The following SEC24D variants were observed in gnomAD, a reference collection of about 807,000 sequenced individuals.
The protein encoded by SEC24D is protein transport protein Sec24D.
A neutral mutation model predicts 116.9 loss-of-function variants in SEC24D; 69 were observed. The ratio of observed to expected loss-of-function variants is 0.59; its 90% CI spans 0.49 to 0.72. SEC24D has a LOEUF of 0.72. Among genes scored for constraint, SEC24D ranks in the 30% least tolerant of loss-of-function variants. The pLI is 0.00. For synonymous variants in SEC24D, 405 were observed against 442.8 expected, an observed-to-expected ratio of 0.91 and a Z score of 1.07; for missense variants, 1,131 against 1,264.1, an observed-to-expected ratio of 0.89 and a Z score of 1.60.
intron 14 of SEC24D, 119 bp from the exon 15 acceptor site, chr4:118,744,277 C>T (rs182872633): frequency 7.0e-5 from 74 of 1,050,238 alleles, no homozygotes; most frequent in Non-Finnish European, 8.0e-5. Context: ...GACATTTTCC[C>T]GTTAAGTGAA....
Position 118,752,770 on chromosome 4 carries a change from C to T in SEC24D, c.1540G>A (p.Val514Ile), listed in dbSNP as rs747331413. The T allele has an allele frequency of 6.2e-7, 1 of 1,612,328 alleles. No individual in the cohort carries two copies. Among genetic ancestry groups the T allele is most frequent in the Non-Finnish European group, 8.5e-7 (1 of 1,179,308 alleles). Residue 514 changes from valine to isoleucine, a missense_variant, in exon 12 of 23, where the codon GTT (valine) becomes ATT (isoleucine). Transcript: ENST00000280551. ...AACAAAGGAACAAAGACTTCTCCAA[C>T]ATCAGTCACCACCATCATCTGAGGC... ...AQPQMMVVTD[V>I]GEVFVPLLDG...
Position 118,723,343 on chromosome 4 carries a change from T to C in SEC24D, c.*172A>G, listed in dbSNP as rs79586191. Reference sequence around the variant, plus strand: ...CCTTTATGGTACAATTGTACCTTAATTGGCTTTATACCTGAGCACCAAAGC... The same window carrying C: ...CCTTTATGGTACAATTGTACCTTAACTGGCTTTATACCTGAGCACCAAAGC... On this transcript the variant is annotated 3_prime_UTR_variant, in exon 23 of 23. Coordinates refer to ENST00000280551, the MANE Select transcript of SEC24D (RefSeq NM_014822.4). The C allele has an allele frequency of 2.7e-3, 1,565 of 578,128 alleles. 12 individuals are homozygous for C. Among genetic ancestry groups the C allele is most frequent in the African/African-American group, 0.026 (1,365 of 53,396 alleles). 35.8% of individuals were successfully genotyped at this position (578,128 alleles called of 1,614,324 possible).
chr4:118,732,259 C>G (rs144100942), intron 20 of SEC24D, among the ~76,000 whole-genome samples: 129 of 152,188 alleles, frequency 8.5e-4, no homozygotes, highest in African/African-American at 2.9e-3. Flanking sequence ...CTCAGCCCCC[C>G]ACGAGTAGCT....
At position 118,815,047 on chromosome 4, in the gene SEC24D, G is replaced by C. The variant is rs779539376; in HGVS notation, c.782C>G (p.Pro261Arg). ...GPPQPQKKLD[P>R]DSIPSPIQVI... ...ACTTACTGGGCTAGGGATAGAGTCAGGATCCAGCTTCTTCTGGGGCTGTGG... is the reference window on the plus strand; with the variant it reads ...ACTTACTGGGCTAGGGATAGAGTCACGATCCAGCTTCTTCTGGGGCTGTGG... Residue 261 changes from proline to arginine, a missense_variant, in exon 6 of 23, where the codon CCT becomes CGT. Physicochemically the swap from Pro to Arg is moderately radical, Grantham distance 103. Coordinates refer to ENST00000280551, the MANE Select transcript of SEC24D (RefSeq NM_014822.4). 1 of 1,614,170 alleles carries C rather than the reference G, an allele frequency of 6.2e-7. No homozygotes were observed. The highest frequency in any genetic ancestry group is 2.2e-5 in the East Asian group (1 of 44,874).
chr4:118,817,162 G>T, intron 4 of SEC24D, 102 bp downstream of exon 4: 1 of 915,262 alleles, frequency 1.1e-6, no homozygotes, highest in Non-Finnish European at 1.7e-6. Context: ...CTTCAACACA[G>T]TATGCCCTAG....
intron 7 of SEC24D, among the ~76,000 whole-genome samples, chr4:118,802,644 T>A (rs1409158430): frequency 6.6e-6 from 1 of 152,226 alleles, no homozygotes; most frequent in Non-Finnish European, 1.5e-5. Flanking sequence ...GAACGATGAC[T>A]GAGACCCTGC....
chr4:118,728,525 A>G (rs780208290), intron 22 of SEC24D, 36 bp downstream of exon 22: 12 of 1,348,724 alleles, frequency 8.9e-6, no homozygotes, highest in South Asian at 3.7e-5. Context: ...AATTTTTAAC[A>G]TTTGAATAAA....
intron 10 of SEC24D, among the ~76,000 whole-genome samples, chr4:118,762,295 A>T (rs761110490): frequency 3.3e-5 from 5 of 152,132 alleles, no homozygotes; most frequent in Non-Finnish European, 7.3e-5. Context: ...ATTAGAGAAT[A>T]GGGCTTCTGT....
At chr4:118,792,822 C>T (rs983914048) in intron 8 of SEC24D, among the ~76,000 whole-genome samples, 5 of 152,316 alleles carry the variant, frequency 3.3e-5, no homozygotes, top group African/African-American at 4.8e-5. Context: ...TGCTGACCTT[C>T]CCTCCACTAT....
In SEC24D at chr4:118,752,097, A is replaced by T. The variant is rs757305431; in HGVS notation, c.1614-8T>A. 1.9e-6 allele frequency: 3 copies of T among 1,556,198 alleles called. No individual in the cohort carries two copies. The highest frequency in any genetic ancestry group is 1.8e-5 in the Admixed American group (1 of 57,128). On this transcript the variant is annotated splice_region_variant and splice_polypyrimidine_tract_variant and intron_variant, in intron 12 of 22. Coordinates refer to ENST00000280551, the MANE Select transcript of SEC24D (RefSeq NM_014822.4). ...GGAATCTGGTCCAACAAACTATAAG[A>T]CATGAGTAAGCAAAAGGTTTGAAAT...
chr4:118,767,777 G>C (rs1727707369), intron 9 of SEC24D, among the ~76,000 whole-genome samples: 1 of 152,042 alleles, frequency 6.6e-6, no homozygotes, highest in Non-Finnish European at 1.5e-5. Context: ...CTTTTCCTAA[G>C]TATCAATGAG....
At chr4:118,750,117 C>T (rs1194224944) in intron 13 of SEC24D, among the ~76,000 whole-genome samples, 1 of 152,092 alleles carries the variant, frequency 6.6e-6, no homozygotes, top group Non-Finnish European at 1.5e-5. Context: ...TATGAAGATA[C>T]ATCACATCAG....
At chr4:118,801,071 C>T (rs1432190443) in intron 7 of SEC24D, among the ~76,000 whole-genome samples, 3 of 152,078 alleles carry the variant, frequency 2.0e-5, no homozygotes, top group African/African-American at 7.2e-5. Context: ...ACCATCTTGG[C>T]TAACACGGTG....
chr4:118,792,044 C>T (rs1328140805), intron 8 of SEC24D, among the ~76,000 whole-genome samples: 2 of 151,716 alleles, frequency 1.3e-5, no homozygotes, highest in Non-Finnish European at 1.5e-5. Context: ...AAGTGAGGAG[C>T]GTCTCTGCCT....
chr4:118,751,847 C>A (rs2110456078), intron 13 of SEC24D, 149 bp downstream of exon 13: 2 of 639,430 alleles, frequency 3.1e-6, no homozygotes, highest in Non-Finnish European at 5.6e-6. Context: ...GTCATTTCCT[C>A]CTGAGATCTG....
At chr4:118,776,643 T>C (rs1320143255) in intron 8 of SEC24D, among the ~76,000 whole-genome samples, 2 of 152,214 alleles carry the variant, frequency 1.3e-5, no homozygotes, top group Non-Finnish European at 1.5e-5. Context: ...CTAGAACAGA[T>C]GTTTAAAACT....
At chr4:118,797,539 G>A in intron 8 of SEC24D, 144 bp downstream of exon 8, 1 of 655,534 alleles carries the variant, frequency 1.5e-6, no homozygotes, top group South Asian at 3.7e-5. Context: ...TTTTCCTGAT[G>A]AATTCAATTA....
chr4:118,762,953 T>C (rs1727459885), intron 10 of SEC24D, among the ~76,000 whole-genome samples: 1 of 152,184 alleles, frequency 6.6e-6, no homozygotes, highest in African/African-American at 2.4e-5. Flanking sequence ...TCATGTCACT[T>C]TTTTGGCAGA....
Position 118,828,604 on chromosome 4 carries a change from ATGGCACTC to A in SEC24D, c.119-3863_119-3856del, listed in dbSNP as rs931898209. Among the ~76,000 whole-genome samples, 6 of 152,258 alleles carry A rather than the reference ATGGCACTC, an allele frequency of 3.9e-5. No homozygotes were observed. In the East Asian group the frequency reaches 5.8e-4, roughly 15 times the overall value. On this transcript the variant is annotated intron_variant, in intron 2 of 22. Coordinates refer to ENST00000280551, the MANE Select transcript of SEC24D (RefSeq NM_014822.4). ...TACTAAATATCCCACAATGCACAGG[ATGGCACTC>A]TGTTACCCTCCCCCAACGAAGAATT...
Sources: gnomAD v4.1 joint callset for allele counts (sites outside exome capture counted in the v4.1 genomes callset) on GRCh38, gnomAD v4.1.1 for gene constraint, MANE v1.5 for transcripts, NCBI Gene and HGNC (gene_info 2026-07-23, HGNC 2026-07-21) for gene names.